The following USP40 variants were observed in gnomAD, a reference collection of about 807,000 sequenced individuals.
USP40 encodes the protein ubiquitin carboxyl-terminal hydrolase 40.
A neutral mutation model predicts 166.2 loss-of-function variants in USP40; 143 were observed. The observed-to-expected ratio is 0.86, with a 90% CI of 0.75 to 0.99. The LOEUF is 0.99. Ranked by LOEUF, USP40 falls within the 50% of genes least tolerant of loss-of-function variation. The pLI is 0.00. For synonymous variants in USP40, 498 were observed against 524.0 expected (o/e 0.95, Z 0.68); for missense variants, 1,444 against 1,479.7 (o/e 0.98, Z 0.40).
At chr2:233,556,380 T>C (rs926361026) in intron 5 of USP40, among the ~76,000 whole-genome samples, 2 of 152,146 alleles carry the variant, frequency 1.3e-5, no homozygotes, top group Admixed American at 6.5e-5. Context: ...AATAGCTTTA[T>C]ATATAATATA....
chr2:233,509,226 C>G (rs2125145902), intron 21 of USP40, among the ~76,000 whole-genome samples: 1 of 152,228 alleles, frequency 6.6e-6, no homozygotes, highest in South Asian at 2.1e-4. Context: ...TCAGATTTTT[C>G]TATTTCAAAT....
intron 24 of USP40, among the ~76,000 whole-genome samples, chr2:233,495,148 T>C (rs1382600822): frequency 6.6e-6 from 1 of 151,236 alleles, no homozygotes; most frequent in Non-Finnish European, 1.5e-5. Context: ...AGCTACTAAA[T>C]TGAATGAGAT....
intron 1 of USP40, among the ~76,000 whole-genome samples, chr2:233,565,831 A>G (rs1240816530): frequency 6.6e-6 from 1 of 152,190 alleles, no homozygotes; most frequent in African/African-American, 2.4e-5. Flanking sequence ...TCTTCGGGTC[A>G]TTTAAACTAT....
intron 21 of USP40, among the ~76,000 whole-genome samples, chr2:233,509,781 C>T (rs148854398): frequency 0.013 from 1,869 of 143,558 alleles, 36 homozygotes; most frequent in East Asian, 0.087. Flanking sequence ...GCAGAGGTTG[C>T]AGTGAGCTGA....
At chr2:233,498,198 G>A (rs1408522487) in intron 23 of USP40, among the ~76,000 whole-genome samples, 1 of 152,168 alleles carries the variant, frequency 6.6e-6, no homozygotes, top group Non-Finnish European at 1.5e-5. Flanking sequence ...GAAACTCTGA[G>A]ATCAAAACAT....
chr2:233,544,091 T>C (rs1177259675), intron 8 of USP40, among the ~76,000 whole-genome samples: 1 of 152,138 alleles, frequency 6.6e-6, no homozygotes, highest in Non-Finnish European at 1.5e-5. Context: ...ACGGAGTCCC[T>C]AGGGTACTCA....
intron 11 of USP40, among the ~76,000 whole-genome samples, chr2:233,531,386 A>T (rs10183033): frequency 0.79 from 120,452 of 152,158 alleles, 47,755 homozygotes; most frequent in East Asian, 0.87. Context: ...CTATCCCTTC[A>T]TTCCCAAAAA....
intron 22 of USP40, among the ~76,000 whole-genome samples, chr2:233,499,442 C>T (rs952272560): frequency 4.6e-5 from 7 of 152,132 alleles, no homozygotes; most frequent in African/African-American, 1.7e-4. Context: ...CATGTCTTTG[C>T]TATTGTGAAC....
intron 30 of USP40, among the ~76,000 whole-genome samples, chr2:233,483,636 T>C (rs2064767026): frequency 6.6e-6 from 1 of 152,210 alleles, no homozygotes; most frequent in African/African-American, 2.4e-5. Flanking sequence ...ACAGGTTTTA[T>C]GGGGCCTGAC....
intron 5 of USP40, among the ~76,000 whole-genome samples, chr2:233,555,502 G>A (rs1306124130): frequency 1.3e-5 from 2 of 152,126 alleles, no homozygotes; most frequent in Middle Eastern, 3.4e-3. Context: ...AAAAGTTAAT[G>A]TCTTTAATTT....
At chr2:233,519,705 T>TA (rs1286046023) in intron 17 of USP40, 34 bp from the exon 18 acceptor site, 12 of 1,216,174 alleles carry the variant, frequency 9.9e-6, no homozygotes, top group Non-Finnish European at 1.4e-5. Context: ...GACTAAGTTG[T>TA]AAAAAATGGG....
chr2:233,513,687 A>C (rs763898415), intron 18 of USP40, among the ~76,000 whole-genome samples: 11 of 152,220 alleles, frequency 7.2e-5, no homozygotes, highest in Non-Finnish European at 1.5e-4. Context: ...TATATTTAAA[A>C]TATGTTGGGT....
intron 21 of USP40, among the ~76,000 whole-genome samples, chr2:233,505,061 C>A (rs1444025043): frequency 6.6e-6 from 1 of 152,018 alleles, no homozygotes; most frequent in Non-Finnish European, 1.5e-5. Flanking sequence ...GAAAACCTTA[C>A]AAATACATGG....
intron 5 of USP40, among the ~76,000 whole-genome samples, chr2:233,555,869 C>T (rs1327339086): frequency 2.0e-5 from 3 of 151,982 alleles, no homozygotes; most frequent in Non-Finnish European, 4.4e-5. Context: ...AATCCCAGCA[C>T]TTTGGGAGGC....
At chr2:233,487,981 A>C in intron 28 of USP40, 1 of 650,406 alleles carries the variant, frequency 1.5e-6, no homozygotes, top group Non-Finnish European at 2.9e-6. Context: ...CTGACACTTC[A>C]GGGCCATCAT....
chr2:233,565,401 G>C lies in USP40; in HGVS notation c.154C>G (p.Leu52Val). ...TGAAGAGTCTGAAGAAGGGAATTGA[G>C]GTAACAGGTTCCACCCTGATTTCTG... is the stretch of plus-strand genomic sequence containing the variant. ...GIRNQGGTCY[L>V]NSLLQTLHFT... Residue 52 changes from leucine to valine, a missense_variant, in exon 2 of 32, where the codon CTC becomes GTC. Coordinates refer to ENST00000678225, the MANE Select transcript of USP40 (RefSeq NM_001365479.2). 6.5e-7 allele frequency: 1 copy of C among 1,537,228 alleles called. No homozygotes were observed. Among genetic ancestry groups the C allele is most frequent in the Non-Finnish European group, 8.7e-7 (1 of 1,146,844 alleles).
chr2:233,533,815 T>A, intron 10 of USP40, 36 bp from the exon 11 acceptor site: 2 of 1,481,926 alleles, frequency 1.3e-6, no homozygotes, highest in Non-Finnish European at 1.8e-6. Context: ...CTAAGTTAAT[T>A]ATTTAAACAA....
chr2:233,542,922 A>G (rs1043864100), intron 8 of USP40, among the ~76,000 whole-genome samples: 6 of 152,228 alleles, frequency 3.9e-5, no homozygotes, highest in African/African-American at 1.4e-4. Context: ...TACATTTTAC[A>G]TAATTTGATA....
intron 4 of USP40, among the ~76,000 whole-genome samples, chr2:233,559,295 G>A (rs2071370372): frequency 1.3e-5 from 2 of 152,156 alleles, no homozygotes; most frequent in South Asian, 4.1e-4. Flanking sequence ...GTCAGGACAG[G>A]AATAAAAAGA....
Sources: allele counts gnomAD v4.1 joint callset (sites outside exome capture counted in the v4.1 genomes callset), GRCh38; gene constraint gnomAD v4.1.1; transcripts MANE v1.5; gene names NCBI Gene and HGNC (gene_info 2026-07-23, HGNC 2026-07-21).